FMN1: variants seen among roughly 807,000 people sequenced by gnomAD.
FMN1 encodes formin-1.
In FMN1, 110 loss-of-function variants were observed where a neutral mutation model predicts 132.4. That is an observed-to-expected ratio of 0.83 (90% confidence interval 0.71 to 0.97). The LOEUF is 0.97. Ranked by LOEUF, FMN1 falls within the 50% of genes least tolerant of loss-of-function variation. The pLI is 0.00. For missense variants in FMN1, 1,792 were observed against 1,705.3 expected, an observed-to-expected ratio of 1.05 and a Z score of -0.90; for synonymous variants, 722 against 651.7, an observed-to-expected ratio of 1.11 and a Z score of -1.64.
intron 4 of FMN1, chr15:33,151,417 G>A (rs79161117): frequency 7.2e-6 from 11 of 1,533,778 alleles, no homozygotes; most frequent in South Asian, 3.6e-5. Flanking sequence ...GTGATTGCAC[G>A]GAGAGGCCAA....
intron 6 of FMN1, among the ~76,000 whole-genome samples, chr15:33,030,515 A>G (rs2035886802): frequency 6.6e-6 from 1 of 152,234 alleles, no homozygotes; most frequent in African/African-American, 2.4e-5. Flanking sequence ...AATATGCCTT[A>G]TTGGTTTAAT....
At chr15:32,913,026 T>C (rs1417189118) in intron 10 of FMN1, among the ~76,000 whole-genome samples, 2 of 152,150 alleles carry the variant, frequency 1.3e-5, no homozygotes, top group Non-Finnish European at 2.9e-5. Context: ...TGGAAAGAGT[T>C]AGAGAAAGAA....
intron 4 of FMN1, among the ~76,000 whole-genome samples, chr15:33,095,590 T>A (rs2039054108): frequency 6.6e-6 from 1 of 151,978 alleles, no homozygotes; most frequent in Admixed American, 6.6e-5. Flanking sequence ...AGAGATAGAC[T>A]CTTGCTGTGT....
chr15:32,993,205 G>A (rs181694592), intron 7 of FMN1, among the ~76,000 whole-genome samples: 8 of 151,916 alleles, frequency 5.3e-5, no homozygotes, highest in South Asian at 4.1e-4. Context: ...CATTTGGTAT[G>A]AATATATTAC....
intron 6 of FMN1, among the ~76,000 whole-genome samples, chr15:33,041,141 GA>G (rs34385804): frequency 0.22 from 32,170 of 149,004 alleles, 3,741 homozygotes; most frequent in African/African-American, 0.3. Context: ...TAAACAGATT[GA>G]AAAAAAAAAA....
intron 7 of FMN1, among the ~76,000 whole-genome samples, chr15:33,001,818 T>C (rs1048351967): frequency 1.3e-5 from 2 of 151,680 alleles, no homozygotes; most frequent in African/African-American, 2.4e-5. Context: ...GATAAGCTAG[T>C]AGCAGGAGCA....
At chr15:33,073,870 A>C (rs1340804849) in intron 5 of FMN1, among the ~76,000 whole-genome samples, 1 of 151,866 alleles carries the variant, frequency 6.6e-6, no homozygotes, top group African/African-American at 2.4e-5. Context: ...ACCTGGGATT[A>C]TAGTTGCGTG....
intron 17 of FMN1, among the ~76,000 whole-genome samples, chr15:32,850,017 C>A (rs1400669289): frequency 6.6e-6 from 1 of 152,194 alleles, no homozygotes; most frequent in Non-Finnish European, 1.5e-5. Flanking sequence ...CCGGAAGTCA[C>A]AAGAGATTAT....
intron 17 of FMN1, among the ~76,000 whole-genome samples, chr15:32,805,581 C>T (rs753077783): frequency 6.6e-6 from 1 of 152,180 alleles, no homozygotes; most frequent in Non-Finnish European, 1.5e-5. Context: ...TGATAACAGA[C>T]ATAGCTAATA....
chr15:33,121,249 A>G (rs947467248), intron 4 of FMN1, among the ~76,000 whole-genome samples: 2 of 152,234 alleles, frequency 1.3e-5, no homozygotes, highest in Admixed American at 1.3e-4. Context: ...TATTCTGCAA[A>G]TAAAACTTCA....
chr15:32,780,718 G>C (rs2056635662), intron 19 of FMN1, among the ~76,000 whole-genome samples: 1 of 152,140 alleles, frequency 6.6e-6, no homozygotes, highest in Non-Finnish European at 1.5e-5. Context: ...CCACAGAAGG[G>C]ACTATAGTGA....
intron 5 of FMN1, among the ~76,000 whole-genome samples, chr15:33,084,676 C>T (rs1014660609): frequency 6.6e-6 from 1 of 152,110 alleles, no homozygotes; most frequent in African/African-American, 2.4e-5. Context: ...TAGATGCCCC[C>T]AGAGTCTTCC....
chr15:33,145,525 A>G (rs573788948), intron 4 of FMN1, among the ~76,000 whole-genome samples: 40 of 151,766 alleles, frequency 2.6e-4, no homozygotes, highest in African/African-American at 9.4e-4. Flanking sequence ...CCCTATCTCC[A>G]GGCATGAATC....
intron 16 of FMN1, among the ~76,000 whole-genome samples, chr15:32,882,269 C>T (rs8030196): frequency 0.29 from 43,695 of 152,088 alleles, 6,897 homozygotes; most frequent in African/African-American, 0.42. Context: ...GAACAAAGTA[C>T]GGCACAGATA....
At chr15:32,986,227 T>C (rs1279585229) in intron 7 of FMN1, among the ~76,000 whole-genome samples, 4 of 152,180 alleles carry the variant, frequency 2.6e-5, no homozygotes, top group Non-Finnish European at 4.4e-5. Context: ...TGTGGAATAC[T>C]TGCAATTGAG....
chr15:32,954,355 A>AGATAT (rs1244969156), intron 9 of FMN1, among the ~76,000 whole-genome samples: 1 of 152,222 alleles, frequency 6.6e-6, no homozygotes, highest in African/African-American at 2.4e-5. Context: ...CTGAGCGCTA[A>AGATAT]GATATTGCTC....
chr15:33,084,355 G>A (rs1366918597), intron 5 of FMN1, among the ~76,000 whole-genome samples: 2 of 152,166 alleles, frequency 1.3e-5, no homozygotes, highest in African/African-American at 4.8e-5. Context: ...TACTGAACCC[G>A]AAGAGGGGGT....
intron 4 of FMN1, among the ~76,000 whole-genome samples, chr15:33,101,725 T>C (rs903647821): frequency 3.3e-5 from 5 of 152,156 alleles, no homozygotes; most frequent in African/African-American, 9.7e-5. Context: ...TCCTATCCCA[T>C]CGGTCCTATG....
intron 9 of FMN1, among the ~76,000 whole-genome samples, chr15:32,948,113 C>A (rs943500816): frequency 2.6e-5 from 4 of 151,970 alleles, no homozygotes; most frequent in Admixed American, 2.6e-4. Context: ...TATTCCCTTA[C>A]AATCTTAGTT....
Sources: gnomAD v4.1 joint callset for allele counts (sites outside exome capture counted in the v4.1 genomes callset) on GRCh38, gnomAD v4.1.1 for gene constraint, MANE v1.5 for transcripts, NCBI Gene and HGNC (gene_info 2026-07-23, HGNC 2026-07-21) for gene names.